PDK1: variants seen among roughly 807,000 people sequenced by gnomAD.
PDK1 encodes pyruvate dehydrogenase kinase 1.
A neutral mutation model predicts 54.2 loss-of-function variants in PDK1; 39 were observed. The ratio of observed to expected loss-of-function variants is 0.72; its 90% CI spans 0.56 to 0.94. PDK1 has a LOEUF of 0.94. PDK1 is among the 40% of genes least tolerant of loss of function. The pLI is 0.00. For missense variants in PDK1, 552 were observed against 566.0 expected, an observed-to-expected ratio of 0.98 and a Z score of 0.25; for synonymous variants, 221 against 207.1, an observed-to-expected ratio of 1.07 and a Z score of -0.58.
At chr2:172,619,050 CT>C in the PDK1 span, among the ~76,000 whole-genome samples, 1 of 152,188 alleles carries the variant, frequency 6.6e-6, no homozygotes, top group Non-Finnish European at 1.5e-5. Flanking sequence ...GCAGGTTTTT[CT>C]TCCTAGTACT....
chr2:172,607,617 A>G lies in PDK1; in HGVS notation c.*11648A>G, dbSNP rs1691339361. 6.6e-6 allele frequency: 1 copy of G among 152,244 alleles called. No individual in the cohort carries two copies. The highest frequency in any genetic ancestry group is 2.4e-5 in the African/African-American group (1 of 41,436). The allele number at this position is 152,244 out of a possible 1,614,324, so 9.4% of individuals were successfully genotyped here. ...AACTAGTAGAATGGAGTGGGATGGT[A>G]TCGTGATGGTGAACCCAAAACAATG... On this transcript the variant is annotated 3_prime_UTR_variant, in exon 11 of 11. Transcript: ENST00000282077.
At chr2:172,624,988 CA>C in the PDK1 span, among the ~76,000 whole-genome samples, 3,008 of 138,380 alleles carry the variant, frequency 0.022, 84 homozygotes, top group African/African-American at 0.071. Flanking sequence ...AACTCCATCT[CA>C]AAAAAAAAAA....
chr2:172,644,524 G>A, the PDK1 span, among the ~76,000 whole-genome samples: 1 of 152,198 alleles, frequency 6.6e-6, no homozygotes, highest in African/African-American at 2.4e-5. Flanking sequence ...AGAGTGTCTA[G>A]CACATTTCAA....
At chr2:172,562,325 T>G (rs10176813) in intron 3 of PDK1, 34 bp downstream of exon 3, 144,252 of 1,259,632 alleles carry the variant, frequency 0.11, 8,990 homozygotes, top group Non-Finnish European at 0.13. Flanking sequence ...TTCTTAAACC[T>G]ATTATTAGGT....
rs577053555 is a variant in PDK1 at position 172,601,563 on chromosome 2, G to A, written c.*5594G>A. 5.9e-5 allele frequency: 9 copies of A among 152,352 alleles called. No homozygotes were observed. The East Asian group carries it at 1.7e-3, about 29-fold the overall frequency. The allele number at this position is 152,352 out of a possible 1,614,324, so 9.4% of individuals were successfully genotyped here. A position where few individuals can be genotyped will look rare whatever the true frequency, so the allele number is the denominator to read the frequency against. ...TCTTCCTGCTGCCCTGTGAAGAGGT[G>A]CCTTCCACCATGATTGTGAGTTTCT... On this transcript the variant is annotated 3_prime_UTR_variant, in exon 11 of 11. Transcript: ENST00000282077.
At chr2:172,660,586 T>C in the PDK1 span, among the ~76,000 whole-genome samples, 1 of 152,066 alleles carries the variant, frequency 6.6e-6, no homozygotes, top group Non-Finnish European at 1.5e-5. Context: ...TGCTTGCCTC[T>C]GAATGATAAT....
the PDK1 span, among the ~76,000 whole-genome samples, chr2:172,698,169 G>T: frequency 2.0e-5 from 3 of 152,250 alleles, no homozygotes; most frequent in South Asian, 6.2e-4. Flanking sequence ...TTCTGGTTTT[G>T]TGTATCTACA....
At chr2:172,555,742 G>A (rs549953656), upstream of PDK1, 3 of 160,318 alleles carry the variant, frequency 1.9e-5, no homozygotes, top group South Asian at 6.1e-4. Context: ...TCAAAAGGGT[G>A]CGGGAAGGGG....
At chr2:172,675,787 G>T in the PDK1 span, among the ~76,000 whole-genome samples, 3 of 152,296 alleles carry the variant, frequency 2.0e-5, no homozygotes, top group Admixed American at 6.5e-5. Context: ...TTTCAATTTA[G>T]AAAAAACAGC....
chr2:172,642,533 A>T, the PDK1 span, among the ~76,000 whole-genome samples: 2 of 152,200 alleles, frequency 1.3e-5, no homozygotes, highest in Non-Finnish European at 2.9e-5. Context: ...ACTGAATCAC[A>T]AACTCAGCGT....
chr2:172,645,249 T>C, the PDK1 span, among the ~76,000 whole-genome samples: 1 of 111,474 alleles, frequency 9.0e-6, no homozygotes, highest in South Asian at 2.9e-4. Context: ...ATGTACACAG[T>C]ACAAAATAGG....
At chr2:172,634,068 G>A in the PDK1 span, among the ~76,000 whole-genome samples, 95 of 149,996 alleles carry the variant, frequency 6.3e-4, no homozygotes, top group Non-Finnish European at 1.3e-3. Flanking sequence ...TAGAGATGGG[G>A]TTTCACTATG....
At chr2:172,693,303 G>A in the PDK1 span, among the ~76,000 whole-genome samples, 36 of 152,242 alleles carry the variant, frequency 2.4e-4, no homozygotes, top group Admixed American at 1.0e-3. Flanking sequence ...CAGCAGCTCC[G>A]TGCAGAAAAG....
rs942954922 is a variant in PDK1, at chr2:172,603,105, C to G, written c.*7136C>G. 6.6e-6 allele frequency: 1 copy of G among 152,146 alleles called. No individual in the cohort carries two copies. The highest frequency in any genetic ancestry group is 6.5e-5 in the Admixed American group (1 of 15,272). The allele number at this position is 152,146 out of a possible 1,614,324, so 9.4% of individuals were successfully genotyped here. The stretch of plus-strand genomic sequence containing the variant: ...GGGGCCTGAGATTCTGCATTTCTAA[C>G]AAGTTTCCTGGTGATATTAATGCTG... On this transcript the variant is annotated 3_prime_UTR_variant, in exon 11 of 11. Coordinates refer to ENST00000282077, the MANE Select transcript of PDK1 (RefSeq NM_002610.5).
intron 3 of PDK1, chr2:172,564,051 G>C (rs1479012097): frequency 2.1e-6 from 1 of 471,540 alleles, no homozygotes; most frequent in Admixed American, 2.3e-5. Flanking sequence ...TTGAACCCTA[G>C]GGAATAGGTC....
the PDK1 span, among the ~76,000 whole-genome samples, chr2:172,722,350 T>G: frequency 6.6e-6 from 1 of 152,218 alleles, no homozygotes; most frequent in Non-Finnish European, 1.5e-5. Context: ...ATCTTATCCT[T>G]TCCTTCCCTA....
intron 8 of PDK1, among the ~76,000 whole-genome samples, chr2:172,573,787 T>G (rs1240459654): frequency 6.6e-6 from 1 of 151,934 alleles, no homozygotes; most frequent in Non-Finnish European, 1.5e-5. Context: ...AAAGTTGTGT[T>G]TTTTTGTTTT....
chr2:172,677,750 A>G, the PDK1 span, among the ~76,000 whole-genome samples: 2 of 152,264 alleles, frequency 1.3e-5, no homozygotes, highest in African/African-American at 4.8e-5. Context: ...AGTTTATACA[A>G]GAATGAAAAC....
the PDK1 span, among the ~76,000 whole-genome samples, chr2:172,652,080 G>C: frequency 6.6e-6 from 1 of 152,152 alleles, no homozygotes; most frequent in Non-Finnish European, 1.5e-5. Flanking sequence ...TAAAATACTG[G>C]CAAACTGAAT....
Sources: allele counts gnomAD v4.1 joint callset (sites outside exome capture counted in the v4.1 genomes callset), GRCh38; gene constraint gnomAD v4.1.1; transcripts MANE v1.5; gene names NCBI Gene and HGNC (gene_info 2026-07-23, HGNC 2026-07-21).